The following KIRREL1 variants were observed in gnomAD, a reference collection of about 807,000 sequenced individuals.
KIRREL1 encodes the protein kirre like nephrin family adhesion molecule 1, also known as kin of IRRE-like protein 1.
In KIRREL1, 25 loss-of-function variants were observed where a neutral mutation model predicts 83.3. The ratio of observed to expected loss-of-function variants is 0.30; its 90% CI spans 0.22 to 0.42. The LOEUF is 0.42. Among genes scored for constraint, KIRREL1 ranks in the 10% least tolerant of loss-of-function variants. The pLI is 1.00. For synonymous variants in KIRREL1, 388 were observed against 410.4 expected, an observed-to-expected ratio of 0.95 and a Z score of 0.66; for missense variants, 812 against 1,032.3, an observed-to-expected ratio of 0.79 and a Z score of 2.92.
chr1:158,060,283 C>T (rs1001909660), intron 1 of KIRREL1, among the ~76,000 whole-genome samples: 3 of 152,186 alleles, frequency 2.0e-5, no homozygotes, highest in African/African-American at 7.2e-5. Context: ...GGATCTCTGA[C>T]CTTTGCCCCT....
intron 1 of KIRREL1, among the ~76,000 whole-genome samples, chr1:157,996,886 C>T (rs750342548): frequency 6.6e-6 from 1 of 152,118 alleles, no homozygotes; most frequent in Non-Finnish European, 1.5e-5. Flanking sequence ...CCCCAGAGCA[C>T]CTGGTCAGGA....
At chr1:158,028,558 T>C (rs759406058) in intron 1 of KIRREL1, among the ~76,000 whole-genome samples, 2 of 149,490 alleles carry the variant, frequency 1.3e-5, no homozygotes, top group Non-Finnish European at 3.0e-5. Context: ...TTGCAAGGCA[T>C]AGGGGCCATA....
Position 158,094,515 on chromosome 1 carries a change from G to A in KIRREL1, c.1797+125G>A. 7.9e-7 allele frequency: 1 copy of A among 1,272,974 alleles called. No homozygotes were observed. 78.9% of individuals were successfully genotyped at this position (1,272,974 alleles called of 1,614,324 possible). ...AGTGGTTGGGAGGGTTTTTGAAGGAGCAGAGGAGGTGGAATGCTAGATGGG... is the reference window on the plus strand; with the variant it reads ...AGTGGTTGGGAGGGTTTTTGAAGGAACAGAGGAGGTGGAATGCTAGATGGG... On this transcript the variant is annotated intron_variant, in intron 14 of 14. Transcript: ENST00000359209. The surrounding 1 kb of genome is among the most constrained non-coding windows in gnomAD (Gnocchi z 4.6).
In KIRREL1 at chr1:158,087,864, AG is replaced by A. The variant is rs1446960599; in HGVS notation, c.767+9del. The A allele has an allele frequency of 3.1e-6, 5 of 1,612,824 alleles. No individual in the cohort carries two copies. Among genetic ancestry groups the A allele is most frequent in the South Asian group, 2.2e-5 (2 of 91,002 alleles). Reference sequence around the variant, plus strand: ...ACCCCGAGATCTTGGGCTACAGGTGAGGGGGTCAGAGGCTGGGAGCGCTCTG... The same window carrying A: ...ACCCCGAGATCTTGGGCTACAGGTGAGGGGTCAGAGGCTGGGAGCGCTCTG... On this transcript the variant is annotated splice_donor_5th_base_variant and intron_variant, in intron 6 of 14. Transcript: ENST00000359209.
intron 1 of KIRREL1, among the ~76,000 whole-genome samples, chr1:158,067,463 G>A (rs1055052870): frequency 1.3e-5 from 2 of 152,196 alleles, no homozygotes; most frequent in African/African-American, 2.4e-5. Context: ...CCCAGCAGTC[G>A]GTGCTGAGTC....
chr1:158,065,346 G>A (rs1411564859), intron 1 of KIRREL1, among the ~76,000 whole-genome samples: 1 of 152,218 alleles, frequency 6.6e-6, no homozygotes, highest in African/African-American at 2.4e-5. Context: ...TAAGAATGCT[G>A]AAGTAAGCAG....
chr1:158,063,504 G>T (rs1661271894), intron 1 of KIRREL1, among the ~76,000 whole-genome samples: 1 of 152,200 alleles, frequency 6.6e-6, no homozygotes, highest in Admixed American at 6.5e-5. Flanking sequence ...GACACTGGTA[G>T]TCTTTCAGCA....
At chr1:158,007,859 C>T (rs954473596) in intron 1 of KIRREL1, among the ~76,000 whole-genome samples, 1 of 152,072 alleles carries the variant, frequency 6.6e-6, no homozygotes, top group African/African-American at 2.4e-5. Context: ...CTCCCCGCTC[C>T]TGCTGTCCTT....
chr1:158,059,971 G>T (rs1183062175), intron 1 of KIRREL1, among the ~76,000 whole-genome samples: 1 of 152,124 alleles, frequency 6.6e-6, no homozygotes, highest in African/African-American at 2.4e-5. Flanking sequence ...GTGGGAATAC[G>T]TTTAGATTAT....
chr1:158,076,904 G>A (rs1661695696), intron 2 of KIRREL1, among the ~76,000 whole-genome samples: 1 of 152,174 alleles, frequency 6.6e-6, no homozygotes, highest in South Asian at 2.1e-4. Context: ...AGGCTGCCTG[G>A]CAGAGTGGAC....
chr1:158,029,366 T>TGTGTGTGTGTGTGTGTGTGCGCGCGC (rs1553238087), intron 1 of KIRREL1, among the ~76,000 whole-genome samples: 1 of 148,930 alleles, frequency 6.7e-6, no homozygotes, highest in African/African-American at 2.5e-5. Flanking sequence ...TGTGTGTGTG[T>TGTGTGTGTGTGTGTGTGTGCGCGCGC]GCACGTGCGC....
Position 158,095,170 on chromosome 1 carries a change from C to T in KIRREL1, c.*50C>T. The T allele has an allele frequency of 2.3e-6, 3 of 1,297,266 alleles. No individual in the cohort carries two copies. The highest frequency in any genetic ancestry group is 3.2e-6 in the Non-Finnish European group (3 of 936,442). 80.4% of individuals were successfully genotyped at this position (1,297,266 alleles called of 1,614,324 possible). A position where few individuals can be genotyped will look rare whatever the true frequency, so the allele number is the denominator to read the frequency against. On this transcript the variant is annotated 3_prime_UTR_variant, in exon 15 of 15. Transcript: ENST00000359209. ...TCTGCGGGGCAGAGGAGAAGGCTTTCACAGCTGTTCCCTGATATTCAGGGG... is the reference window on the plus strand; with the variant it reads ...TCTGCGGGGCAGAGGAGAAGGCTTTTACAGCTGTTCCCTGATATTCAGGGG...
At chr1:158,075,088 A>T (rs886871282) in intron 1 of KIRREL1, among the ~76,000 whole-genome samples, 1 of 152,140 alleles carries the variant, frequency 6.6e-6, no homozygotes, top group African/African-American at 2.4e-5. Context: ...TGGCAAAGGA[A>T]CCTGAGCCCC....
chr1:158,029,720 A>T (rs1660271537), intron 1 of KIRREL1, among the ~76,000 whole-genome samples: 1 of 152,204 alleles, frequency 6.6e-6, no homozygotes, highest in Non-Finnish European at 1.5e-5. Flanking sequence ...AGACCTGCTA[A>T]TGTTCAGACA....
chr1:158,062,124 C>T (rs1661228936), intron 1 of KIRREL1, among the ~76,000 whole-genome samples: 1 of 152,130 alleles, frequency 6.6e-6, no homozygotes, highest in Non-Finnish European at 1.5e-5. Context: ...CACCAATATC[C>T]TGTAAATTTC....
rs181674692 is a variant in KIRREL1, at chr1:158,007,384, C to T, written c.52+13656C>T. Among the ~76,000 whole-genome samples, 15 of 152,116 alleles carry T rather than the reference C, an allele frequency of 9.9e-5. No homozygotes were observed. In the East Asian group the frequency reaches 1.9e-3, roughly 20 times the overall value. On this transcript the variant is annotated intron_variant, in intron 1 of 14. Transcript: ENST00000359209. ...GTGGAGCCCATGAGAGAAGTGAAGA[C>T]GATTCTTATAGGGGGTCTAATAGAA...
chr1:158,088,694 C>T (rs1289609051), intron 8 of KIRREL1, among the ~76,000 whole-genome samples: 1 of 151,540 alleles, frequency 6.6e-6, no homozygotes, highest in East Asian at 1.9e-4. Context: ...CCTTGTTAGC[C>T]AGGATGGTCT....
At chr1:158,093,804 C>T (rs1376613372) in intron 13 of KIRREL1, 42 bp downstream of exon 13, 3 of 1,608,732 alleles carry the variant, frequency 1.9e-6, no homozygotes, top group South Asian at 1.1e-5. Flanking sequence ...CTTCTCCACC[C>T]TCTGAGGACC....
intron 1 of KIRREL1, among the ~76,000 whole-genome samples, chr1:158,016,822 G>A (rs184675765): frequency 1.3e-5 from 2 of 152,306 alleles, no homozygotes; most frequent in East Asian, 1.9e-4. Flanking sequence ...CAGGGAGAGG[G>A]CTAAGCCTTG....
Sources: allele counts gnomAD v4.1 joint callset (sites outside exome capture counted in the v4.1 genomes callset), GRCh38; gene constraint gnomAD v4.1.1; non-coding constraint Gnocchi (gnomAD v3.1); transcripts MANE v1.5; gene names NCBI Gene and HGNC (gene_info 2026-07-23, HGNC 2026-07-21).